Variants in CHCHD7 observed in about 807,000 individuals in gnomAD.
CHCHD7 encodes the protein coiled-coil-helix-coiled-coil-helix domain containing 7, also known as coiled-coil-helix-coiled-coil-helix domain-containing protein 7.
CHCHD7 carries 7 observed loss-of-function variants against 10.5 expected under a neutral mutation model. That is an observed-to-expected ratio of 0.67 (90% CI 0.38 to 1.25). The LOEUF is 1.25. CHCHD7 is among the 50% of genes most tolerant of loss of function. CHCHD7 has a pLI of 0.02. For synonymous variants in CHCHD7, 40 were observed against 36.0 expected (o/e 1.11, Z -0.40); for missense variants, 100 against 104.5 (o/e 0.96, Z 0.19).
intron 1 of CHCHD7, chr8:56,214,393 A>T: frequency 2.3e-6 from 1 of 440,268 alleles, no homozygotes; most frequent in Non-Finnish European, 4.1e-6. Context: ...TCAATCCAAT[A>T]TATGGCCTTT....
intron 2 of CHCHD7, 146 bp from the exon 3 acceptor site, chr8:56,216,287 C>T: frequency 7.9e-7 from 1 of 1,267,842 alleles, no homozygotes; most frequent in Non-Finnish European, 1.1e-6. Flanking sequence ...CGAGATTGTC[C>T]AGTTTTTATT....
chr8:56,212,960 C>A, intron 1 of CHCHD7: 3 of 1,162,960 alleles, frequency 2.6e-6, no homozygotes, highest in Non-Finnish European at 3.8e-6. Flanking sequence ...GAGTAGGATA[C>A]TTTCATGTAA....
chr8:56,217,619 T>C lies in CHCHD7; in HGVS notation c.*184T>C, dbSNP rs547967505. The C allele has an allele frequency of 6.2e-6, 3 of 484,588 alleles. No homozygotes were observed. Among genetic ancestry groups the C allele is most frequent in the East Asian group, 3.4e-5 (1 of 29,292 alleles). The allele number at this position is 484,588 out of a possible 1,614,324, so 30.0% of individuals were successfully genotyped here. On this transcript the variant is annotated 3_prime_UTR_variant, in exon 4 of 4. Transcript: ENST00000355315. ...CAGTGCCATGCCGATGGTATGTTGC[T>C]GTTGGCTGTGTTGTGGCATGAGTTT...
chr8:56,217,517 A>G lies in CHCHD7; in HGVS notation c.*82A>G, dbSNP rs560057938. 1.3e-5 allele frequency: 11 copies of G among 849,796 alleles called. No homozygotes were observed. The highest frequency in any genetic ancestry group is 1.2e-4 in the Admixed American group (6 of 48,602). 52.6% of individuals were successfully genotyped at this position (849,796 alleles called of 1,614,324 possible). On this transcript the variant is annotated 3_prime_UTR_variant, in exon 4 of 4. Transcript: ENST00000355315. ...TGATTGCTGTAATATTTAAGACTGT[A>G]CACCCCTCACCCAGACAGACCTTAA... is the stretch of plus-strand genomic sequence containing the variant.
chr8:56,216,964 T>G, intron 3 of CHCHD7: 1 of 437,274 alleles, frequency 2.3e-6, no homozygotes, highest in Non-Finnish European at 4.2e-6. Context: ...AATTTCTGTT[T>G]CCTTGAACCA....
chr8:56,216,338 T>C, intron 2 of CHCHD7, 95 bp from the exon 3 acceptor site: 2 of 1,550,828 alleles, frequency 1.3e-6, no homozygotes, highest in South Asian at 1.2e-5. Context: ...CTATTTCACA[T>C]TATTTGCTTC....
In CHCHD7 at chr8:56,217,972, C is replaced by T. The variant is rs1585862526; in HGVS notation, c.*537C>T. ...GGCTCATTCCTCAAATCACTTCTTA[C>T]TTCCCTCACTTATCTTTGTTTAAAT... On this transcript the variant is annotated 3_prime_UTR_variant, in exon 4 of 4. Transcript: ENST00000355315. 7 of 230,454 alleles carry T rather than the reference C, an allele frequency of 3.0e-5. No individual in the cohort carries two copies. In the East Asian group the frequency reaches 3.7e-4, roughly 12 times the overall value. The allele number at this position is 230,454 out of a possible 1,614,324, so 14.3% of individuals were successfully genotyped here.
At chr8:56,217,075 T>C (rs1245103961) in intron 3 of CHCHD7, among the ~76,000 whole-genome samples, 8 of 152,234 alleles carry the variant, frequency 5.3e-5, no homozygotes, top group Admixed American at 5.2e-4. Context: ...ACTTTTGTAC[T>C]TTGTACTTTG....
chr8:56,216,344 G>T (rs1303079359), intron 2 of CHCHD7, 89 bp from the exon 3 acceptor site: 1 of 1,565,058 alleles, frequency 6.4e-7, no homozygotes, highest in Admixed American at 1.9e-5. Context: ...CACATTATTT[G>T]CTTCTGGGGA....
intron 1 of CHCHD7, chr8:56,214,344 T>G (rs1292928285): frequency 7.1e-6 from 2 of 281,308 alleles, no homozygotes; most frequent in East Asian, 1.2e-4. Context: ...GTGCTGGGAT[T>G]ACAGGCGTGA....
chr8:56,213,099 A>G (rs1407981201), intron 1 of CHCHD7: 3 of 424,372 alleles, frequency 7.1e-6, no homozygotes, highest in South Asian at 6.2e-5. Flanking sequence ...GAATTTATTT[A>G]CTATCATCAT....
chr8:56,212,476 G>T (rs916485457), intron 1 of CHCHD7: 2 of 177,086 alleles, frequency 1.1e-5, no homozygotes, highest in African/African-American at 2.4e-5. Flanking sequence ...ACTTAGAGAG[G>T]GGGGACGTGA....
intron 2 of CHCHD7, chr8:56,215,144 G>A (rs1813266417): frequency 6.5e-6 from 1 of 153,496 alleles, no homozygotes; most frequent in Admixed American, 6.4e-5. Context: ...GCTTTTATTG[G>A]CATTTATTTG....
intron 2 of CHCHD7, chr8:56,215,387 C>G (rs1356437295): frequency 6.6e-6 from 1 of 152,148 alleles, no homozygotes; most frequent in Non-Finnish European, 1.5e-5. Flanking sequence ...TCTGTGTTCC[C>G]CAACCTTTTG....
At chr8:56,213,361 C>G (rs1813138119) in intron 1 of CHCHD7, 1 of 151,636 alleles carries the variant, frequency 6.6e-6, no homozygotes, top group African/African-American at 2.4e-5. Flanking sequence ...ACGTCCTGAT[C>G]TTTCCCATAG....
chr8:56,216,038 A>C (rs1165830757), intron 2 of CHCHD7, among the ~76,000 whole-genome samples: 1 of 152,230 alleles, frequency 6.6e-6, no homozygotes, highest in African/African-American at 2.4e-5. Flanking sequence ...TTGAAGCCAA[A>C]GTGAAAATCT....
intron 2 of CHCHD7, among the ~76,000 whole-genome samples, chr8:56,215,819 T>C (rs564245897): frequency 4.6e-5 from 7 of 152,232 alleles, no homozygotes; most frequent in Non-Finnish European, 8.8e-5. Context: ...ATGTGGCACC[T>C]ACTTTCCTTT....
rs763043874 is a variant in CHCHD7 at position 56,218,520 on chromosome 8, C to T, written c.*1085C>T. On this transcript the variant is annotated 3_prime_UTR_variant, in exon 4 of 4. Coordinates refer to ENST00000355315, the MANE Select transcript of CHCHD7 (RefSeq NM_001011671.3). The stretch of plus-strand genomic sequence containing the variant: ...TGTTTTAATGGCTGCCGACAATGAA[C>T]TGTCTGTCTGAGTCTAAAACCAAGC... 7.5e-5 allele frequency: 16 copies of T among 212,602 alleles called. No individual in the cohort carries two copies. Among genetic ancestry groups the T allele is most frequent in the Non-Finnish European group, 1.4e-4 (15 of 105,618 alleles). The allele number at this position is 212,602 out of a possible 1,614,324, so 13.2% of individuals were successfully genotyped here.
At position 56,216,492 on chromosome 8, in the gene CHCHD7, C is replaced by T. The variant is rs1813356526; in HGVS notation, c.114C>T (p.Ser38=). The change falls in exon 3 of 4, where the codon TCC becomes TCT. Residue 38 remains serine (S), a synonymous_variant. Coordinates refer to ENST00000355315, the MANE Select transcript of CHCHD7 (RefSeq NM_001011671.3). The part of the protein sequence containing the change: ...DENNYDRERC[S]TYFLRYKNCR... ...ATAACTATGACAGGGAAAGGTGTTC[C>T]ACTTACTTCTTGAGGTACAAAAACT... 6.2e-7 allele frequency: 1 copy of T among 1,614,138 alleles called. No individual in the cohort carries two copies. Among genetic ancestry groups the T allele is most frequent in the Non-Finnish European group, 8.5e-7 (1 of 1,180,016 alleles).
Sources: gnomAD v4.1 joint callset for allele counts (sites outside exome capture counted in the v4.1 genomes callset) on GRCh38, gnomAD v4.1.1 for gene constraint, MANE v1.5 for transcripts, NCBI Gene and HGNC (gene_info 2026-07-23, HGNC 2026-07-21) for gene names.